IL2RA: variants seen among roughly 807,000 people sequenced by gnomAD.
IL2RA encodes interleukin 2 receptor subunit alpha.
Under a neutral mutation model 37.8 loss-of-function variants are expected in IL2RA, and 24 were observed. That is an observed-to-expected ratio of 0.63 (90% CI 0.46 to 0.89). IL2RA has a LOEUF of 0.89. IL2RA is among the 40% of genes least tolerant of loss of function. The pLI, the probability that IL2RA is intolerant of heterozygous loss-of-function variation, is 0.00. For synonymous variants in IL2RA, 125 were observed against 114.6 expected, an observed-to-expected ratio of 1.09 and a Z score of -0.58; for missense variants, 319 against 348.6, an observed-to-expected ratio of 0.92 and a Z score of 0.68.
rs1389347082 is a variant in IL2RA at position 6,018,894 on chromosome 10, A to G, written c.727+534T>C. On this transcript the variant is annotated intron_variant, in intron 6 of 7. Transcript: ENST00000379959. This position sits in a 1 kb window ranked among gnomAD's most constrained non-coding sequence, Gnocchi z 5.1. ...AACCTACTAACCTACCAACAAACTA[A>G]CCAACCAACCAATCTACCAATCTAT... Among the ~76,000 whole-genome samples the G allele has an allele frequency of 6.6e-6, 1 of 152,036 alleles. No individual in the cohort carries two copies. Among genetic ancestry groups the G allele is most frequent in the Non-Finnish European group, 1.5e-5 (1 of 68,016 alleles).
chr10:6,043,500 G>A (rs959470666), intron 1 of IL2RA, among the ~76,000 whole-genome samples: 9 of 152,014 alleles, frequency 5.9e-5, no homozygotes, highest in South Asian at 2.1e-4. Context: ...GTGCAATGGC[G>A]AGATCTGGGC....
intron 2 of IL2RA, among the ~76,000 whole-genome samples, chr10:6,024,682 C>T (rs1055073362): frequency 6.6e-5 from 10 of 152,174 alleles, no homozygotes; most frequent in African/African-American, 2.4e-4. Flanking sequence ...ATGTGTGTGT[C>T]TCTCACCAAA....
rs41294711 is a variant in IL2RA at position 6,037,520 on chromosome 10, C to T, written c.65-11495G>A. On this transcript the variant is annotated intron_variant, in intron 1 of 7. Coordinates refer to ENST00000379959, the MANE Select transcript of IL2RA (RefSeq NM_000417.3). Reference sequence around the variant, plus strand: ...TTGTACCCAGTGAAGATTAGAATAACGCACGGAGCACAGGAAATGTCTAGG... The same window carrying T: ...TTGTACCCAGTGAAGATTAGAATAATGCACGGAGCACAGGAAATGTCTAGG... Among the ~76,000 whole-genome samples, 495 of 152,250 alleles carry T rather than the reference C, an allele frequency of 3.3e-3. 5 individuals are homozygous for T. Among genetic ancestry groups the T allele is most frequent in the Middle Eastern group, 0.031 (9 of 294 alleles).
At chr10:6,053,965 C>A (rs12722497) in intron 1 of IL2RA, among the ~76,000 whole-genome samples, 10,444 of 152,324 alleles carry the variant, frequency 0.069, 530 homozygotes, top group Middle Eastern at 0.16. Flanking sequence ...TCCGGCCACA[C>A]CTTCCACCAT....
Position 6,047,394 on chromosome 10 carries a change from G to A in IL2RA, c.64+14694C>T, listed in dbSNP as rs1175776351. 2.6e-5 allele frequency among the ~76,000 whole-genome samples: 4 copies of A among 152,156 alleles called. No homozygotes were observed. Among genetic ancestry groups the A allele is most frequent in the South Asian group, 2.1e-4 (1 of 4,832 alleles). ...GTCACCTGGGGGCCTCAGAAGCCAC[G>A]GCACCAGAGGAGAGCTCAGGAGTCA... On this transcript the variant is annotated intron_variant, in intron 1 of 7. Transcript: ENST00000379959. The surrounding 1 kb of genome is among the most constrained non-coding windows in gnomAD (Gnocchi z 5.0).
At chr10:6,026,761 C>T (rs1464453316) in intron 1 of IL2RA, among the ~76,000 whole-genome samples, 3 of 152,184 alleles carry the variant, frequency 2.0e-5, no homozygotes, top group Non-Finnish European at 4.4e-5. Context: ...GGAAATATCA[C>T]ATGCTGGATA....
intron 1 of IL2RA, among the ~76,000 whole-genome samples, chr10:6,027,817 A>G (rs1206410765): frequency 3.3e-5 from 5 of 152,192 alleles, no homozygotes; most frequent in Non-Finnish European, 7.3e-5. Flanking sequence ...TGTACTTCTC[A>G]TATCACTGGT....
intron 1 of IL2RA, among the ~76,000 whole-genome samples, chr10:6,045,963 T>C (rs1331202658): frequency 1.3e-5 from 2 of 152,194 alleles, no homozygotes; most frequent in Admixed American, 6.5e-5. Flanking sequence ...GGAACCTCAG[T>C]CCAGTTGGTG....
At chr10:6,051,372 A>G (rs1839952999) in intron 1 of IL2RA, among the ~76,000 whole-genome samples, 2 of 152,008 alleles carry the variant, frequency 1.3e-5, no homozygotes, top group Admixed American at 6.5e-5. Context: ...GGGGACTTCA[A>G]ACGAAACTTT....
rs779637087 is a variant in IL2RA at position 6,044,293 on chromosome 10, G to C, written c.64+17795C>G. 1.7e-4 allele frequency among the ~76,000 whole-genome samples: 26 copies of C among 152,254 alleles called. No individual in the cohort carries two copies. The highest frequency in any genetic ancestry group is 3.2e-4 in the Non-Finnish European group (22 of 68,046). On this transcript the variant is annotated intron_variant, in intron 1 of 7. Transcript: ENST00000379959. The surrounding 1 kb of genome is among the most constrained non-coding windows in gnomAD (Gnocchi z 4.5). ...AATAAAAGAAAACAGCTTTATTGAA[G>C]TGGCAATGTTATAGTTCCGGCTGTG... is the stretch of plus-strand genomic sequence containing the variant.
intron 1 of IL2RA, among the ~76,000 whole-genome samples, chr10:6,042,691 A>G (rs1839790730): frequency 6.6e-6 from 1 of 152,226 alleles, no homozygotes; most frequent in South Asian, 2.1e-4. Flanking sequence ...AAAGGCCAAC[A>G]ACCCAATAAA....
chr10:6,028,430 C>A lies in IL2RA; in HGVS notation c.65-2405G>T, dbSNP rs1215127720. 6.6e-6 allele frequency among the ~76,000 whole-genome samples: 1 copy of A among 152,120 alleles called. No individual in the cohort carries two copies. Among genetic ancestry groups the A allele is most frequent in the East Asian group, 1.9e-4 (1 of 5,200 alleles). ...TGTGGGTTGTAGTTTTCCAATCCTG[C>A]TTTAGAGAAAGAGGCATCCCTAGGA... On this transcript the variant is annotated intron_variant, in intron 1 of 7. Transcript: ENST00000379959. The surrounding 1 kb of genome is among the most constrained non-coding windows in gnomAD (Gnocchi z 4.1).
In IL2RA at chr10:6,048,437, A is replaced by C. The variant is rs1055555710; in HGVS notation, c.64+13651T>G. 1.3e-4 allele frequency among the ~76,000 whole-genome samples: 20 copies of C among 152,328 alleles called. No homozygotes were observed. The highest frequency in any genetic ancestry group is 5.9e-4 in the Admixed American group (9 of 15,308). On this transcript the variant is annotated intron_variant, in intron 1 of 7. Coordinates refer to ENST00000379959, the MANE Select transcript of IL2RA (RefSeq NM_000417.3). This position sits in a 1 kb window ranked among gnomAD's most constrained non-coding sequence, Gnocchi z 5.3. ...GTGTAGACTGAGCAGCCTGTGAGGC[A>C]TCCACACGGAAAGGTCCGAGGGAAG...
At chr10:6,034,216 T>G (rs1323880541) in intron 1 of IL2RA, among the ~76,000 whole-genome samples, 1 of 152,204 alleles carries the variant, frequency 6.6e-6, no homozygotes, top group Non-Finnish European at 1.5e-5. Flanking sequence ...AACTTCTTAT[T>G]CTCACAGACT....
At chr10:6,060,521 C>G (rs1402508831) in intron 1 of IL2RA, among the ~76,000 whole-genome samples, 8 of 152,200 alleles carry the variant, frequency 5.3e-5, no homozygotes, top group East Asian at 1.9e-4. Flanking sequence ...CTTTGGGAGG[C>G]CATGGCTGGT....
Position 6,036,578 on chromosome 10 carries a change from C to T in IL2RA, c.65-10553G>A, listed in dbSNP as rs6602394. ...AACAGCAGCCTGGGCAGGCCAGCGG[C>T]TCTTCCCTGACGTGGAATTATGAGC... On this transcript the variant is annotated intron_variant, in intron 1 of 7. Transcript: ENST00000379959. This position sits in a 1 kb window ranked among gnomAD's most constrained non-coding sequence, Gnocchi z 6.1. Among the ~76,000 whole-genome samples the T allele has an allele frequency of 0.025, 3,798 of 152,298 alleles. 182 individuals are homozygous for T. Among genetic ancestry groups the T allele is most frequent in the African/African-American group, 0.087 (3,626 of 41,540 alleles).
chr10:6,036,224 A>C lies in IL2RA; in HGVS notation c.65-10199T>G, dbSNP rs1839680371. 1 of 152,252 alleles carries C rather than the reference A, an allele frequency of 6.6e-6. No individual in the cohort carries two copies. The allele number at this position is 152,252 out of a possible 1,614,324, so 9.4% of individuals were successfully genotyped here. A position where few individuals can be genotyped will look rare whatever the true frequency, so the allele number is the denominator to read the frequency against. On this transcript the variant is annotated intron_variant, in intron 1 of 7. Transcript: ENST00000379959. The surrounding 1 kb of genome is among the most constrained non-coding windows in gnomAD (Gnocchi z 6.1). ...GGCATTTGTAGTCCTCCTGCCACAGATGACCAGAATGACCTCACCCAGGAC... is the reference window on the plus strand; with the variant it reads ...GGCATTTGTAGTCCTCCTGCCACAGCTGACCAGAATGACCTCACCCAGGAC...
In IL2RA at chr10:6,014,578, GA is replaced by G. The variant is rs202098601; in HGVS notation, c.795-1683del. Among the ~76,000 whole-genome samples, 2 of 152,078 alleles carry G rather than the reference GA, an allele frequency of 1.3e-5. No individual in the cohort carries two copies. The highest frequency in any genetic ancestry group is 4.8e-5 in the African/African-American group (2 of 41,424). ...GCTTTTGATCTTCAAACTAACAAAT[GA>G]AAAAAATCCTTGCAAGGTGTTAAGG... is the stretch of plus-strand genomic sequence containing the variant. On this transcript the variant is annotated intron_variant, in intron 7 of 7. Transcript: ENST00000379959. The surrounding 1 kb of genome is among the most constrained non-coding windows in gnomAD (Gnocchi z 4.4).
Position 6,048,110 on chromosome 10 carries a change from G to A in IL2RA, c.64+13978C>T, listed in dbSNP as rs936897086. ...CATGTGCTGGCTGCATCCTGCTCCCGTGGCCCCTGACCCTCAACTGCCCTT... is the reference window on the plus strand; with the variant it reads ...CATGTGCTGGCTGCATCCTGCTCCCATGGCCCCTGACCCTCAACTGCCCTT... On this transcript the variant is annotated intron_variant, in intron 1 of 7. Coordinates refer to ENST00000379959, the MANE Select transcript of IL2RA (RefSeq NM_000417.3). The surrounding 1 kb of genome is among the most constrained non-coding windows in gnomAD (Gnocchi z 5.3). Among the ~76,000 whole-genome samples the A allele has an allele frequency of 5.9e-5, 9 of 152,292 alleles. No individual in the cohort carries two copies. Among genetic ancestry groups the A allele is most frequent in the African/African-American group, 2.2e-4 (9 of 41,570 alleles).
Sources: gnomAD v4.1 joint callset for allele counts (sites outside exome capture counted in the v4.1 genomes callset) on GRCh38, gnomAD v4.1.1 for gene constraint, Gnocchi (gnomAD v3.1) non-coding constraint, MANE v1.5 for transcripts, NCBI Gene and HGNC (gene_info 2026-07-23, HGNC 2026-07-21) for gene names.